VPS13B: variants seen among roughly 807,000 people sequenced by gnomAD.
The protein encoded by VPS13B is intermembrane lipid transfer protein VPS13B.
Under a neutral mutation model 426.4 loss-of-function variants are expected in VPS13B, and 285 were observed. That is an observed-to-expected ratio of 0.67 (90% CI 0.61 to 0.74). The LOEUF (loss-of-function observed/expected upper bound fraction) is 0.74, where lower values mean the gene tolerates loss of function less well. Among genes scored for constraint, VPS13B ranks in the 30% least tolerant of loss-of-function variants. VPS13B has a pLI of 0.00. For missense variants in VPS13B, 4,537 were observed against 4,782.6 expected (o/e 0.95, Z 1.51); for synonymous variants, 1,676 against 1,676.4 (o/e 1.00, Z 0.01).
At chr8:99,289,968 G>A (rs1819641741) in intron 19 of VPS13B, among the ~76,000 whole-genome samples, 1 of 152,072 alleles carries the variant, frequency 6.6e-6, no homozygotes, top group African/African-American at 2.4e-5. Flanking sequence ...TTAGAGTTAA[G>A]CATCTAGTGA....
chr8:99,697,367 G>A (rs996121178), intron 35 of VPS13B: 2 of 588,526 alleles, frequency 3.4e-6, no homozygotes, highest in African/African-American at 1.9e-5. Context: ...AGCCAGAAGT[G>A]CCTGAAGCAG....
intron 29 of VPS13B, among the ~76,000 whole-genome samples, chr8:99,517,170 T>C (rs972488401): frequency 6.6e-6 from 1 of 152,230 alleles, no homozygotes; most frequent in African/African-American, 2.4e-5. Flanking sequence ...TTTTACTAAA[T>C]TGAGTTTATT....
intron 39 of VPS13B, among the ~76,000 whole-genome samples, chr8:99,754,095 T>G (rs917249941): frequency 3.5e-4 from 53 of 151,738 alleles, no homozygotes; most frequent in African/African-American, 1.2e-3. Flanking sequence ...GTTTTTTTTT[T>G]TTTTTTTTTG....
chr8:99,718,275 C>G (rs932459632), intron 37 of VPS13B, among the ~76,000 whole-genome samples: 1 of 151,862 alleles, frequency 6.6e-6, no homozygotes, highest in Non-Finnish European at 1.5e-5. Context: ...GAGATGAGGT[C>G]TCACTATGTT....
chr8:99,439,914 A>T (rs973271281), intron 22 of VPS13B, among the ~76,000 whole-genome samples: 3 of 152,154 alleles, frequency 2.0e-5, no homozygotes, highest in African/African-American at 4.8e-5. Flanking sequence ...TCTTTCAAAT[A>T]GCACATAAAC....
chr8:99,111,881 C>T (rs1228969890), intron 6 of VPS13B, among the ~76,000 whole-genome samples: 2 of 151,988 alleles, frequency 1.3e-5, no homozygotes, highest in African/African-American at 4.8e-5. Flanking sequence ...TTTGGGCTCC[C>T]ACTGATACCA....
Position 99,275,255 on chromosome 8 carries a change from G to T in VPS13B, c.2824+1G>T. The T allele has an allele frequency of 6.2e-7, 1 of 1,605,414 alleles. No individual in the cohort carries two copies. The highest frequency in any genetic ancestry group is 8.5e-7 in the Non-Finnish European group (1 of 1,176,508). ...TATATTGACTACTGCCACAATTCCGGTAAGTACAAACCTATCATTATTCCC... is the reference window on the plus strand; with the variant it reads ...TATATTGACTACTGCCACAATTCCGTTAAGTACAAACCTATCATTATTCCC... On this transcript the variant is annotated splice_donor_variant, in intron 19 of 61. Coordinates refer to ENST00000357162, the MANE Select transcript of VPS13B (RefSeq NM_152564.5). LOFTEE classifies it high-confidence loss of function.
chr8:99,195,125 G>A (rs996768977), intron 17 of VPS13B, among the ~76,000 whole-genome samples: 2 of 152,134 alleles, frequency 1.3e-5, no homozygotes, highest in East Asian at 1.9e-4. Flanking sequence ...GATTATAGGC[G>A]TGAAGGTTGT....
chr8:99,428,266 C>A (rs1816849212), intron 21 of VPS13B, among the ~76,000 whole-genome samples: 1 of 152,156 alleles, frequency 6.6e-6, no homozygotes, highest in Non-Finnish European at 1.5e-5. Context: ...GCAATGGCAA[C>A]AGAAGCCAAA....
intron 3 of VPS13B, among the ~76,000 whole-genome samples, chr8:99,045,671 A>G (rs1843204554): frequency 6.6e-6 from 1 of 152,194 alleles, no homozygotes; most frequent in Non-Finnish European, 1.5e-5. Flanking sequence ...GAATTTTTAT[A>G]GTTTCAGGTC....
At chr8:99,287,232 G>GTCTGTCTATCTA (rs1469101055) in intron 19 of VPS13B, among the ~76,000 whole-genome samples, 1 of 139,036 alleles carries the variant, frequency 7.2e-6, no homozygotes, top group African/African-American at 2.6e-5. Context: ...CTATCTGTCT[G>GTCTGTCTATCTA]TCTATCTATC....
At position 99,467,514 on chromosome 8, in the gene VPS13B, C is replaced by G. The variant is rs2133511066; in HGVS notation, c.3546C>G (p.Thr1182=). The G allele has an allele frequency of 6.2e-7, 1 of 1,613,738 alleles. No individual in the cohort carries two copies. Among genetic ancestry groups the G allele is most frequent in the East Asian group, 2.2e-5 (1 of 44,862 alleles). ...TLCLVEPMGC[T]STLAVTSQKL... is the part of the protein sequence containing the mutation. The stretch of plus-strand genomic sequence containing the variant: ...GCCTAGTGGAACCTATGGGTTGCAC[C>G]TCCACTCTAGCTGTCACGTCTCAAA... The change falls in exon 24 of 62, where the codon ACC becomes ACG. Residue 1182 remains threonine (T), a synonymous_variant. Coordinates refer to ENST00000357162, the MANE Select transcript of VPS13B (RefSeq NM_152564.5).
chr8:99,711,314 A>G (rs1832700760), intron 36 of VPS13B, among the ~76,000 whole-genome samples: 1 of 152,212 alleles, frequency 6.6e-6, no homozygotes. Context: ...GTATATGGCA[A>G]GAAAGAAAAG....
intron 25 of VPS13B, among the ~76,000 whole-genome samples, chr8:99,501,017 C>G (rs982273485): frequency 6.6e-6 from 1 of 152,158 alleles, no homozygotes; most frequent in Non-Finnish European, 1.5e-5. Context: ...AGCTTATGCT[C>G]TATTCCACTA....
chr8:99,577,858 C>G, intron 33 of VPS13B: 1 of 567,188 alleles, frequency 1.8e-6, no homozygotes, highest in Non-Finnish European at 3.0e-6. Flanking sequence ...TTGCTGTGGA[C>G]TGACCTCAGA....
chr8:99,297,767 A>G (rs1044998928), intron 19 of VPS13B, among the ~76,000 whole-genome samples: 5 of 152,176 alleles, frequency 3.3e-5, no homozygotes, highest in South Asian at 2.1e-4. Flanking sequence ...TTTTGTACCC[A>G]TACATTTTCT....
intron 5 of VPS13B, among the ~76,000 whole-genome samples, chr8:99,109,383 TC>T (rs1398548809): frequency 2.6e-5 from 4 of 151,674 alleles, no homozygotes; most frequent in East Asian, 1.9e-4. Flanking sequence ...ACTTTTTCTT[TC>T]TTTCTTTTTT....
intron 2 of VPS13B, among the ~76,000 whole-genome samples, chr8:99,027,734 T>C (rs1008616338): frequency 2.6e-5 from 4 of 151,994 alleles, no homozygotes; most frequent in African/African-American, 7.2e-5. Flanking sequence ...TTTATTTTTT[T>C]ATTTTTTTAT....
At chr8:99,357,545 G>A (rs1339601343) in intron 19 of VPS13B, among the ~76,000 whole-genome samples, 1 of 151,834 alleles carries the variant, frequency 6.6e-6, no homozygotes, top group African/African-American at 2.4e-5. Context: ...TTTTTGGTTT[G>A]TTTTTACTCC....
Sources: gnomAD v4.1 joint callset for allele counts (sites outside exome capture counted in the v4.1 genomes callset) on GRCh38, gnomAD v4.1.1 for gene constraint, MANE v1.5 for transcripts, NCBI Gene and HGNC (gene_info 2026-07-23, HGNC 2026-07-21) for gene names.